SLK: variants seen among roughly 807,000 people sequenced by gnomAD.
The protein encoded by SLK is STE20-like serine/threonine-protein kinase.
Under a neutral mutation model 147.7 loss-of-function variants are expected in SLK, and 67 were observed. That is an observed-to-expected ratio of 0.45 (90% CI 0.37 to 0.56). The LOEUF is 0.56. Among genes scored for constraint, SLK ranks in the 20% least tolerant of loss-of-function variants. SLK has a pLI of 0.00. For missense variants in SLK, 1,136 were observed against 1,438.8 expected (o/e 0.79, Z 3.41); for synonymous variants, 441 against 475.0 (o/e 0.93, Z 0.93).
At chr10:103,980,867 T>C (rs187016754) in intron 1 of SLK, among the ~76,000 whole-genome samples, 3 of 152,132 alleles carry the variant, frequency 2.0e-5, no homozygotes, top group East Asian at 1.9e-4. Context: ...CTGGATCTTG[T>C]AGGAATCTAT....
intron 1 of SLK, among the ~76,000 whole-genome samples, chr10:103,977,225 T>C (rs983479325): frequency 6.6e-6 from 1 of 152,228 alleles, no homozygotes; most frequent in African/African-American, 2.4e-5. Context: ...TAGAGGTATT[T>C]TTAAATTAGA....
At chr10:103,998,638 T>G (rs1160704147) in intron 4 of SLK, among the ~76,000 whole-genome samples, 1 of 152,180 alleles carries the variant, frequency 6.6e-6, no homozygotes, top group Non-Finnish European at 1.5e-5. Context: ...CATTTTTTAT[T>G]TTCAATTTTG....
chr10:103,989,919 A>C (rs1207201953), intron 1 of SLK, among the ~76,000 whole-genome samples: 2 of 152,230 alleles, frequency 1.3e-5, no homozygotes, highest in Non-Finnish European at 1.5e-5. Flanking sequence ...ATAATTGCCA[A>C]AACTTGGAAA....
intron 13 of SLK, among the ~76,000 whole-genome samples, chr10:104,015,898 G>GTT (rs1212171492): frequency 6.6e-6 from 1 of 151,354 alleles, no homozygotes; most frequent in Non-Finnish European, 1.5e-5. Flanking sequence ...TAGACCCATT[G>GTT]TTTCTGTCTA....
chr10:104,016,156 G>A (rs983733718), intron 13 of SLK, among the ~76,000 whole-genome samples: 5 of 151,570 alleles, frequency 3.3e-5, no homozygotes, highest in African/African-American at 9.7e-5. Context: ...GTCTCTACTA[G>A]AAAATACAAA....
chr10:104,001,317 A>C (rs1844244831), intron 7 of SLK, 127 bp from the exon 8 acceptor site: 2 of 713,432 alleles, frequency 2.8e-6, no homozygotes, highest in African/African-American at 3.5e-5. Context: ...CATTATCTGA[A>C]GTTTTCTGTC....
intron 13 of SLK, 88 bp from the exon 14 acceptor site, chr10:104,018,072 G>T: frequency 9.1e-7 from 1 of 1,101,000 alleles, no homozygotes; most frequent in Non-Finnish European, 1.3e-6. Flanking sequence ...TGGAAATCTT[G>T]TTAACCACTA....
At chr10:104,018,664 G>C in intron 14 of SLK, 120 bp from the exon 15 acceptor site, 1 of 1,017,512 alleles carries the variant, frequency 9.8e-7, no homozygotes, top group South Asian at 1.7e-5. Context: ...AGCTCAGAAT[G>C]TCAACATGTG....
intron 4 of SLK, among the ~76,000 whole-genome samples, chr10:103,994,941 A>G (rs1385409212): frequency 6.6e-6 from 1 of 152,186 alleles, no homozygotes; most frequent in East Asian, 1.9e-4. Context: ...ATTGGGAGGC[A>G]CACCGTGTCT....
chr10:103,989,374 G>A lies in SLK; in HGVS notation c.151-1301G>A, dbSNP rs549639595. Among the ~76,000 whole-genome samples, 40 of 152,060 alleles carry A rather than the reference G, an allele frequency of 2.6e-4. 2 individuals are homozygous for A. The South Asian group carries it at 8.1e-3, about 31-fold the overall frequency. ...CCCATGCTTGCTGGCAACCCCAAAT[G>A]CTGGTGAGGATGTGGAGCAACAGGA... On this transcript the variant is annotated intron_variant, in intron 1 of 18. Coordinates refer to ENST00000369755, the MANE Select transcript of SLK (RefSeq NM_014720.4).
intron 9 of SLK, among the ~76,000 whole-genome samples, 156 bp downstream of exon 9, chr10:104,003,683 A>G (rs937425520): frequency 1.3e-5 from 2 of 152,182 alleles, no homozygotes; most frequent in African/African-American, 2.4e-5. Context: ...AAAAAGAACT[A>G]AGGAGATTGT....
intron 8 of SLK, 99 bp downstream of exon 8, chr10:104,001,671 C>G: frequency 7.6e-7 from 1 of 1,319,254 alleles, no homozygotes. Context: ...AACGCAAAAC[C>G]TTTAAATTTA....
At chr10:103,979,714 T>A (rs2134451938) in intron 1 of SLK, among the ~76,000 whole-genome samples, 2 of 152,336 alleles carry the variant, frequency 1.3e-5, no homozygotes, top group Middle Eastern at 3.4e-3. Context: ...GCTCTCTTTC[T>A]TTTTCTTATT....
chr10:104,002,701 A>T lies in SLK; in HGVS notation c.1523A>T (p.Glu508Val). 1 of 1,611,970 alleles carries T rather than the reference A, an allele frequency of 6.2e-7. No individual in the cohort carries two copies. The highest frequency in any genetic ancestry group is 8.5e-7 in the Non-Finnish European group (1 of 1,179,324). ...TVDLVSQETG[E>V]KEANIQAVDS... ...GATTTAGTTTCTCAAGAGACTGGAG[A>T]AAAAGAGGCAAATATTCAGGCAGTT... The change falls in exon 9 of 19, where the codon GAA (glutamate) becomes GTA (valine). Residue 508 changes from glutamate (E) to valine (V), a missense_variant. Physicochemically the swap from Glu to Val is moderately radical, Grantham distance 121 (BLOSUM62 -2). Coordinates refer to ENST00000369755, the MANE Select transcript of SLK (RefSeq NM_014720.4).
At chr10:103,989,735 T>C (rs553869934) in intron 1 of SLK, among the ~76,000 whole-genome samples, 23 of 152,314 alleles carry the variant, frequency 1.5e-4, no homozygotes, top group Admixed American at 3.9e-4. Context: ...CCCAAAGTGC[T>C]GGGATTACAG....
intron 18 of SLK, among the ~76,000 whole-genome samples, chr10:104,023,744 A>G (rs113226348): frequency 3.3e-4 from 50 of 152,252 alleles, no homozygotes; most frequent in Middle Eastern, 3.4e-3. Flanking sequence ...CTTTGTAACA[A>G]TTCATCACCA....
chr10:103,993,585 C>T (rs1221696807), intron 4 of SLK, among the ~76,000 whole-genome samples: 4 of 152,014 alleles, frequency 2.6e-5, no homozygotes, highest in African/African-American at 4.8e-5. Context: ...GTTGACTAAA[C>T]TAACAAAGTA....
At chr10:103,996,415 T>C (rs78551376) in intron 4 of SLK, among the ~76,000 whole-genome samples, 1 of 150,016 alleles carries the variant, frequency 6.7e-6, no homozygotes, top group Non-Finnish European at 1.5e-5. Flanking sequence ...TTTTTTTTTT[T>C]TGAGACGGAG....
In SLK at chr10:103,990,656, C is replaced by T. The variant is rs1161822413; in HGVS notation, c.151-19C>T. The T allele has an allele frequency of 1.3e-5, 20 of 1,490,520 alleles. No individual in the cohort carries two copies. The highest frequency in any genetic ancestry group is 1.7e-5 in the Non-Finnish European group (19 of 1,115,086). 92.3% of individuals were successfully genotyped at this position (1,490,520 alleles called of 1,614,324 possible). ...ATGATGCATTTGAAATGTGACACTT[C>T]TGATACTTTCATTTTCAGGCCCAGA... On this transcript the variant is annotated intron_variant, in intron 1 of 18. Transcript: ENST00000369755.
Sources: allele counts gnomAD v4.1 joint callset (sites outside exome capture counted in the v4.1 genomes callset), GRCh38; gene constraint gnomAD v4.1.1; transcripts MANE v1.5; gene names NCBI Gene and HGNC (gene_info 2026-07-23, HGNC 2026-07-21).